ASRGL1: variants seen among roughly 807,000 people sequenced by gnomAD.
The protein encoded by ASRGL1 is isoaspartyl peptidase/L-asparaginase.
In ASRGL1, 16 loss-of-function variants were observed where a neutral mutation model predicts 22.4. That is an observed-to-expected ratio of 0.71 (90% CI 0.48 to 1.08). The LOEUF is 1.08. ASRGL1 is among the 50% of genes least tolerant of loss of function. ASRGL1 has a pLI of 0.00. For missense variants in ASRGL1, 412 were observed against 410.1 expected, an observed-to-expected ratio of 1.00 and a Z score of -0.04; for synonymous variants, 165 against 159.3, an observed-to-expected ratio of 1.04 and a Z score of -0.27.
chr11:62,361,535 T>G (rs2134622977), intron 4 of ASRGL1, among the ~76,000 whole-genome samples: 1 of 143,916 alleles, frequency 6.9e-6, no homozygotes, highest in African/African-American at 2.6e-5. Flanking sequence ...GTCAACAGGC[T>G]GGAGTGCAGT....
chr11:62,399,071 C>A, the ASRGL1 span, among the ~76,000 whole-genome samples: 1 of 152,106 alleles, frequency 6.6e-6, no homozygotes, highest in Admixed American at 6.5e-5. Context: ...ACAAAATTAA[C>A]TGGGCGTGGT....
At chr11:62,350,469 G>C (rs1328650982) in intron 2 of ASRGL1, among the ~76,000 whole-genome samples, 1 of 152,084 alleles carries the variant, frequency 6.6e-6, no homozygotes, top group African/African-American at 2.4e-5. Flanking sequence ...GTGATTTCTG[G>C]GGCAAATGGT....
At chr11:62,347,930 A>C (rs1229678239) in intron 2 of ASRGL1, among the ~76,000 whole-genome samples, 1 of 152,144 alleles carries the variant, frequency 6.6e-6, no homozygotes, top group Non-Finnish European at 1.5e-5. Flanking sequence ...CCATCTAAAA[A>C]ATAAAAAAAT....
chr11:62,391,626 G>T lies in ASRGL1; in HGVS notation c.715G>T (p.Glu239Ter), dbSNP rs1947341146. Residue 239 changes from glutamate (E) to a stop codon, truncating the protein, a stop_gained, in exon 6 of 7, where the codon GAA (glutamate) becomes TAA (stop). Coordinates refer to ENST00000415229, the MANE Select transcript of ASRGL1 (RefSeq NM_001083926.2). LOFTEE classifies it low-confidence loss of function (END_TRUNC). The stretch of plus-strand genomic sequence containing the variant: ...GGCTAGACTCACCCTGTTCCACATA[G>T]AACAAGGTACACAGACCACAGGACA... The part of the protein sequence containing the change: ...NLARLTLFHI[E>*]QGKTVEEAAD... 1.2e-6 allele frequency: 2 copies of T among 1,608,040 alleles called. No individual in the cohort carries two copies. The highest frequency in any genetic ancestry group is 2.2e-5 in the South Asian group (2 of 89,930).
chr11:62,391,869 C>A, intron 6 of ASRGL1: 1 of 741,902 alleles, frequency 1.3e-6, no homozygotes, highest in Non-Finnish European at 2.2e-6. Flanking sequence ...AGACATTGAG[C>A]CTGGATGTGG....
intron 4 of ASRGL1, chr11:62,371,263 A>G: frequency 4.5e-6 from 6 of 1,345,798 alleles, no homozygotes; most frequent in Non-Finnish European, 5.8e-6. Flanking sequence ...GCGCTGCAGT[A>G]GCAGCAGTGG....
intron 2 of ASRGL1, among the ~76,000 whole-genome samples, chr11:62,338,588 A>G (rs1157610809): frequency 6.6e-6 from 1 of 152,202 alleles, no homozygotes; most frequent in East Asian, 1.9e-4. Flanking sequence ...AAACACCTGG[A>G]ATCCACAGAA....
chr11:62,339,278 G>T (rs1448229644), intron 2 of ASRGL1, among the ~76,000 whole-genome samples: 1 of 152,134 alleles, frequency 6.6e-6, no homozygotes, highest in Non-Finnish European at 1.5e-5. Context: ...GCTGGAATTT[G>T]GTATCTTATT....
rs1946759238 is a variant in ASRGL1, at chr11:62,371,378, C to T, written c.491+14234C>T. On this transcript the variant is annotated intron_variant, in intron 4 of 6. Transcript: ENST00000415229. The stretch of plus-strand genomic sequence containing the variant: ...GTGGCAGCAGGCAAGGTGGGCGGTG[C>T]GGCTGTGGTGGTCGCCGAACCCGAG... The T allele has an allele frequency of 8.7e-6, 6 of 687,376 alleles. 1 individual carries two copies. Among genetic ancestry groups the T allele is most frequent in the South Asian group, 8.0e-5 (4 of 50,180 alleles). 42.6% of individuals were successfully genotyped at this position (687,376 alleles called of 1,614,324 possible).
chr11:62,354,873 G>C (rs1414870184), intron 2 of ASRGL1, among the ~76,000 whole-genome samples: 1 of 152,114 alleles, frequency 6.6e-6, no homozygotes, highest in Non-Finnish European at 1.5e-5. Flanking sequence ...GGAAAAGCAG[G>C]TCAAAGGCCA....
At chr11:62,343,918 CTTTTTTT>C (rs34446979) in intron 2 of ASRGL1, among the ~76,000 whole-genome samples, 13 of 100,648 alleles carry the variant, frequency 1.3e-4, no homozygotes, top group Non-Finnish European at 2.5e-4. Context: ...TCATGCATTT[CTTTTTTT>C]TTTTTTTTTT....
At chr11:62,373,085 C>A in intron 4 of ASRGL1, 1 of 1,465,260 alleles carries the variant, frequency 6.8e-7, no homozygotes, top group Middle Eastern at 1.9e-4. Context: ...CCATGGGCTA[C>A]TCACACTCCT....
intron 4 of ASRGL1, among the ~76,000 whole-genome samples, chr11:62,374,269 C>T (rs1946855299): frequency 1.3e-5 from 2 of 152,172 alleles, no homozygotes; most frequent in South Asian, 4.1e-4. Context: ...GACTGCCACC[C>T]GTGTCCCCGT....
chr11:62,377,952 A>AT (rs1339408867), intron 4 of ASRGL1, among the ~76,000 whole-genome samples: 1 of 152,058 alleles, frequency 6.6e-6, no homozygotes, highest in Non-Finnish European at 1.5e-5. Flanking sequence ...GATCTATTCT[A>AT]TTTATTTGTG....
At chr11:62,350,649 A>G (rs1946146387) in intron 2 of ASRGL1, among the ~76,000 whole-genome samples, 1 of 152,204 alleles carries the variant, frequency 6.6e-6, no homozygotes, top group African/African-American at 2.4e-5. Context: ...TACAAAAATT[A>G]GCCGGGCGTG....
At chr11:62,387,151 C>T (rs1947236320) in intron 4 of ASRGL1, among the ~76,000 whole-genome samples, 1 of 151,580 alleles carries the variant, frequency 6.6e-6, no homozygotes, top group African/African-American at 2.4e-5. Context: ...GATCAGCCTG[C>T]CTCGGCCTCC....
Position 62,337,912 on chromosome 11 carries a change from C to G in ASRGL1, c.-66C>G. On this transcript the variant is annotated 5_prime_UTR_variant, in exon 2 of 7. Transcript: ENST00000415229. ...CAGGGTCTCCCGAGGACCTTGTACCCGCGCGGCTTCCTTGGGCTGGCTTTG... is the reference window on the plus strand; with the variant it reads ...CAGGGTCTCCCGAGGACCTTGTACCGGCGCGGCTTCCTTGGGCTGGCTTTG... 6.6e-7 allele frequency: 1 copy of G among 1,516,820 alleles called. No homozygotes were observed. 94.0% of individuals were successfully genotyped at this position (1,516,820 alleles called of 1,614,324 possible).
chr11:62,347,141 T>C (rs1009468502), intron 2 of ASRGL1, among the ~76,000 whole-genome samples: 10 of 152,124 alleles, frequency 6.6e-5, no homozygotes, highest in African/African-American at 2.4e-4. Context: ...CCACAACCTG[T>C]ATATCAGCTC....
rs1302721045 is a variant in ASRGL1, at chr11:62,375,478, ATATT to A, written c.492-13653_492-13650del. Among the ~76,000 whole-genome samples, 507 of 83,668 alleles carry A rather than the reference ATATT, an allele frequency of 6.1e-3. 34 individuals are homozygous for A. Among genetic ancestry groups the A allele is most frequent in the Non-Finnish European group, 0.01 (396 of 38,000 alleles). The allele number at this position is 83,668 out of a possible 152,430, so 54.9% of individuals were successfully genotyped here. On this transcript the variant is annotated intron_variant, in intron 4 of 6. Coordinates refer to ENST00000415229, the MANE Select transcript of ASRGL1 (RefSeq NM_001083926.2). ...TATATATATATATATATATATATATATATTTCTTGGAGTAAACATTTTAAATAAA... is the reference window on the plus strand; with the variant it reads ...TATATATATATATATATATATATATATCTTGGAGTAAACATTTTAAATAAA...
Sources: gnomAD v4.1 joint callset for allele counts (sites outside exome capture counted in the v4.1 genomes callset) on GRCh38, gnomAD v4.1.1 for gene constraint, MANE v1.5 for transcripts, NCBI Gene and HGNC (gene_info 2026-07-23, HGNC 2026-07-21) for gene names.